KCNG2: variants seen among roughly 807,000 people sequenced by gnomAD.
The protein encoded by KCNG2 is voltage-gated potassium channel regulatory subunit KCNG2.
In KCNG2, 7 loss-of-function variants were observed where a neutral mutation model predicts 12.3. That is an observed-to-expected ratio of 0.57 (90% CI 0.32 to 1.07). The LOEUF is 1.07. KCNG2 is among the 50% of genes least tolerant of loss of function. KCNG2 has a pLI of 0.04. For synonymous variants in KCNG2, 414 were observed against 351.4 expected (o/e 1.18, Z -1.99); for missense variants, 703 against 726.0 (o/e 0.97, Z 0.36).
chr18:79,887,660 A>G (rs1980577960), intron 3 of KCNG2, among the ~76,000 whole-genome samples: 3 of 152,208 alleles, frequency 2.0e-5, no homozygotes, highest in Non-Finnish European at 4.4e-5. Context: ...GAGGGCTCAC[A>G]GCCCCAGTGG....
chr18:79,827,710 G>A (rs1372840167), intron 1 of KCNG2, among the ~76,000 whole-genome samples: 5 of 152,112 alleles, frequency 3.3e-5, no homozygotes, highest in African/African-American at 1.2e-4. Flanking sequence ...CTTATTACCC[G>A]CCCACCCAGT....
At chr18:79,813,111 C>T (rs1258477648) in intron 1 of KCNG2, among the ~76,000 whole-genome samples, 3 of 152,094 alleles carry the variant, frequency 2.0e-5, no homozygotes, top group Non-Finnish European at 2.9e-5. Flanking sequence ...GCCGAGATCG[C>T]GCCATTGGAA....
rs1186774463 is a variant in KCNG2 at position 79,899,990 on chromosome 18, C to T, written c.*174C>T. ...ACTTGGCGGGGCCCTGCCTGACTCC[C>T]CGTGGCAGCGCTGGGCAAAGTCACT... On this transcript the variant is annotated 3_prime_UTR_variant, in exon 4 of 4. Transcript: ENST00000316249. 3 of 483,200 alleles carry T rather than the reference C, an allele frequency of 6.2e-6. No homozygotes were observed. The highest frequency in any genetic ancestry group is 4.1e-5 in the African/African-American group (2 of 49,244). 29.9% of individuals were successfully genotyped at this position (483,200 alleles called of 1,614,324 possible). A position where few individuals can be genotyped will look rare whatever the true frequency, so the allele number is the denominator to read the frequency against.
chr18:79,892,294 T>C (rs932043338), intron 3 of KCNG2, among the ~76,000 whole-genome samples: 3 of 152,270 alleles, frequency 2.0e-5, no homozygotes, highest in Admixed American at 1.3e-4. Context: ...GATCATTACA[T>C]ATTATCTCTA....
intron 1 of KCNG2, among the ~76,000 whole-genome samples, chr18:79,848,098 C>T (rs1599389491): frequency 6.6e-6 from 1 of 152,118 alleles, no homozygotes; most frequent in Admixed American, 6.5e-5. Context: ...GAGCTTCTCC[C>T]GGTGAAGGCA....
intron 2 of KCNG2, among the ~76,000 whole-genome samples, chr18:79,861,273 CTTTTT>C (rs56348625): frequency 1.4e-3 from 110 of 76,988 alleles, no homozygotes; most frequent in Non-Finnish European, 4.8e-4. Flanking sequence ...CTCTCTCTCT[CTTTTT>C]TTTTTTTTTT....
intron 3 of KCNG2, among the ~76,000 whole-genome samples, chr18:79,894,814 C>T (rs1040386167): frequency 5.2e-4 from 78 of 149,218 alleles, no homozygotes; most frequent in Non-Finnish European, 9.5e-4. Flanking sequence ...TCTAATGTTA[C>T]GATTGATATA....
intron 1 of KCNG2, among the ~76,000 whole-genome samples, chr18:79,834,670 A>G (rs1279786732): frequency 6.6e-6 from 1 of 152,234 alleles, no homozygotes; most frequent in East Asian, 1.9e-4. Flanking sequence ...GCTGCTTGAG[A>G]TAATGGGAGT....
chr18:79,841,328 A>C (rs1298583048), intron 1 of KCNG2, among the ~76,000 whole-genome samples: 1 of 152,150 alleles, frequency 6.6e-6, no homozygotes, highest in Non-Finnish European at 1.5e-5. Context: ...TAACAGAAGA[A>C]AACCTTCGAG....
intron 2 of KCNG2, among the ~76,000 whole-genome samples, chr18:79,862,268 T>C (rs1417886411): frequency 6.6e-6 from 1 of 152,242 alleles, no homozygotes; most frequent in Admixed American, 6.5e-5. Flanking sequence ...GGAGTTTTTG[T>C]AGCTACTGTG....
At chr18:79,888,137 A>C (rs1980599013) in intron 3 of KCNG2, among the ~76,000 whole-genome samples, 1 of 152,192 alleles carries the variant, frequency 6.6e-6, no homozygotes, top group Admixed American at 6.5e-5. Context: ...GGAGGAGGCC[A>C]TGGGAAGCAC....
intron 2 of KCNG2, among the ~76,000 whole-genome samples, chr18:79,858,302 C>T (rs1450823992): frequency 2.0e-5 from 3 of 152,182 alleles, no homozygotes; most frequent in East Asian, 1.9e-4. Flanking sequence ...GTGCCCAGCT[C>T]GGACATTTTA....
intron 1 of KCNG2, among the ~76,000 whole-genome samples, chr18:79,801,196 A>C (rs2087407136): frequency 6.6e-6 from 1 of 152,406 alleles, no homozygotes; most frequent in African/African-American, 2.4e-5. Flanking sequence ...GAAACCATGC[A>C]GTATTTTAAT....
chr18:79,882,753 C>CG (rs754522823), intron 3 of KCNG2, among the ~76,000 whole-genome samples: 104 of 117,082 alleles, frequency 8.9e-4, no homozygotes, highest in Admixed American at 1.5e-3. Flanking sequence ...GGCGAGGCTG[C>CG]CGTGGAGCGC....
chr18:79,864,097 G>T lies in KCNG2; in HGVS notation c.430G>T (p.Gly144Trp). 1.8e-6 allele frequency: 2 copies of T among 1,098,632 alleles called. No individual in the cohort carries two copies. The highest frequency in any genetic ancestry group is 2.2e-6 in the Non-Finnish European group (2 of 904,792). 68.1% of individuals were successfully genotyped at this position (1,098,632 alleles called of 1,614,324 possible). The change falls in exon 3 of 4, where the codon GGG becomes TGG. Residue 144 changes from glycine to tryptophan, a missense_variant. Transcript: ENST00000316249. Reference protein sequence around the residue: ...RAGPTERGAQGSPARALGPRG... With the variant: ...RAGPTERGAQWSPARALGPRG... Reference sequence around the variant, plus strand: ...GGGGCCGACGGAGCGCGGGGCGCAGGGGAGCCCGGCGCGCGCCCTGGGACC... The same window carrying T: ...GGGGCCGACGGAGCGCGGGGCGCAGTGGAGCCCGGCGCGCGCCCTGGGACC...
At chr18:79,830,771 A>G (rs1309494140) in intron 1 of KCNG2, among the ~76,000 whole-genome samples, 7 of 146,538 alleles carry the variant, frequency 4.8e-5, no homozygotes, top group Non-Finnish European at 9.0e-5. Context: ...AGCCTTCGTC[A>G]GGAGGGTTCC....
chr18:79,819,190 C>T (rs2087552746), intron 1 of KCNG2, among the ~76,000 whole-genome samples: 1 of 152,194 alleles, frequency 6.6e-6, no homozygotes, highest in African/African-American at 2.4e-5. Context: ...GGCGAGGGCA[C>T]CCAGGACGTG....
rs189576878 is a variant in KCNG2, at chr18:79,850,266, C to T, written c.-114-6113C>T. Reference sequence around the variant, plus strand: ...TCTCTCTAATCACATCTTCCTCCCTCTCCATGCAGAGGTGATTAAAGTTTG... The same window carrying T: ...TCTCTCTAATCACATCTTCCTCCCTTTCCATGCAGAGGTGATTAAAGTTTG... On this transcript the variant is annotated intron_variant, in intron 1 of 3. Transcript: ENST00000316249. 1.6e-4 allele frequency among the ~76,000 whole-genome samples: 24 copies of T among 152,356 alleles called. No individual in the cohort carries two copies. The East Asian group carries it at 2.5e-3, about 16-fold the overall frequency.
At chr18:79,808,961 G>T (rs1224969712) in intron 1 of KCNG2, among the ~76,000 whole-genome samples, 1 of 7,764 alleles carries the variant, frequency 1.3e-4, no homozygotes, top group Non-Finnish European at 2.2e-4. Flanking sequence ...CCCAGAGTCC[G>T]CGCTCTGAGG....
Sources: gnomAD v4.1 joint callset for allele counts (sites outside exome capture counted in the v4.1 genomes callset) on GRCh38, gnomAD v4.1.1 for gene constraint, MANE v1.5 for transcripts, NCBI Gene and HGNC (gene_info 2026-07-23, HGNC 2026-07-21) for gene names.